The following MAPKAP1 variants were observed in gnomAD, a reference collection of about 807,000 sequenced individuals.
MAPKAP1 encodes MAPK associated protein 1.
A neutral mutation model predicts 65.7 loss-of-function variants in MAPKAP1; 20 were observed. The observed-to-expected ratio is 0.30, with a 90% CI of 0.21 to 0.44. The LOEUF (loss-of-function observed/expected upper bound fraction) is 0.44, where lower values mean the gene tolerates loss of function less well. Among genes scored for constraint, MAPKAP1 ranks in the 20% least tolerant of loss-of-function variants. The probability of loss-of-function intolerance (pLI) is 1.00; values close to 1 mark genes in which losing one functional copy is unlikely to be tolerated. For missense variants in MAPKAP1, 423 were observed against 648.0 expected (o/e 0.65, Z 3.77); for synonymous variants, 222 against 244.3 (o/e 0.91, Z 0.85).
At chr9:125,642,818 A>G (rs2131715909) in intron 4 of MAPKAP1, among the ~76,000 whole-genome samples, 1 of 152,276 alleles carries the variant, frequency 6.6e-6, no homozygotes, top group South Asian at 2.1e-4. Flanking sequence ...GAGCCTGGAC[A>G]CAGGTTGGGG....
chr9:125,695,816 C>T (rs953189276), intron 1 of MAPKAP1, among the ~76,000 whole-genome samples: 2 of 152,002 alleles, frequency 1.3e-5, no homozygotes, highest in Non-Finnish European at 2.9e-5. Context: ...GCAACCTCCA[C>T]CTCCCGGGTT....
intron 4 of MAPKAP1, chr9:125,650,599 T>A (rs892545449): frequency 1.3e-5 from 2 of 152,350 alleles, no homozygotes; most frequent in Admixed American, 1.3e-4. Flanking sequence ...TCTGCCTTCC[T>A]TTGAAAAGCC....
intron 3 of MAPKAP1, among the ~76,000 whole-genome samples, chr9:125,663,236 A>G: frequency 6.6e-6 from 1 of 152,148 alleles, no homozygotes; most frequent in Non-Finnish European, 1.5e-5. Flanking sequence ...CTGTGCTCTA[A>G]CCAACAGGCA....
intron 7 of MAPKAP1, among the ~76,000 whole-genome samples, chr9:125,534,984 G>A (rs781540440): frequency 3.0e-4 from 46 of 152,280 alleles, no homozygotes; most frequent in Non-Finnish European, 6.3e-4. Context: ...TTGAGAGTAG[G>A]AACGATTTCT....
intron 11 of MAPKAP1, among the ~76,000 whole-genome samples, chr9:125,442,536 TAA>T (rs11450537): frequency 1.0e-4 from 14 of 137,200 alleles, no homozygotes; most frequent in Admixed American, 3.7e-4. Context: ...ATGCTGGCTA[TAA>T]AAAAAAAAAA....
At chr9:125,461,828 G>A (rs1056743166) in intron 10 of MAPKAP1, among the ~76,000 whole-genome samples, 4 of 152,186 alleles carry the variant, frequency 2.6e-5, no homozygotes, top group African/African-American at 9.7e-5. Flanking sequence ...GGAGTGGACA[G>A]AGCCTGAGGA....
chr9:125,455,543 T>G (rs1264441777), intron 10 of MAPKAP1, among the ~76,000 whole-genome samples: 1 of 151,902 alleles, frequency 6.6e-6, no homozygotes, highest in African/African-American at 2.4e-5. Flanking sequence ...AATTCAAAAT[T>G]TAATCATCAA....
At chr9:125,626,908 CTAATT>C (rs1380346515) in intron 4 of MAPKAP1, among the ~76,000 whole-genome samples, 5 of 152,180 alleles carry the variant, frequency 3.3e-5, no homozygotes, top group African/African-American at 1.2e-4. Context: ...GCTTATGTAT[CTAATT>C]TAATTATCAG....
At chr9:125,631,854 G>A (rs1833292108) in intron 4 of MAPKAP1, among the ~76,000 whole-genome samples, 1 of 152,148 alleles carries the variant, frequency 6.6e-6, no homozygotes, top group East Asian at 1.9e-4. Flanking sequence ...GCTTGGCTTA[G>A]GGGTCATCTA....
intron 7 of MAPKAP1, among the ~76,000 whole-genome samples, chr9:125,526,681 T>A (rs1420829187): frequency 6.6e-6 from 1 of 152,140 alleles, no homozygotes; most frequent in Non-Finnish European, 1.5e-5. Context: ...GAAAGAAAGA[T>A]CCTTCTACAC....
intron 6 of MAPKAP1, among the ~76,000 whole-genome samples, chr9:125,553,072 C>CTG (rs139123015): frequency 1.6e-4 from 24 of 151,708 alleles, no homozygotes; most frequent in Non-Finnish European, 3.4e-4. Context: ...ATATATGTCA[C>CTG]TGTGTGTGTG....
chr9:125,638,368 G>A (rs1157467339), intron 4 of MAPKAP1, among the ~76,000 whole-genome samples: 1 of 152,158 alleles, frequency 6.6e-6, no homozygotes, highest in African/African-American at 2.4e-5. Context: ...ACACTGAGAA[G>A]GAATCACTGG....
At chr9:125,613,505 C>T (rs1284322121) in intron 4 of MAPKAP1, among the ~76,000 whole-genome samples, 2 of 152,160 alleles carry the variant, frequency 1.3e-5, no homozygotes, top group East Asian at 3.8e-4. Context: ...GAAGGTCCAT[C>T]CAGCTGCAGA....
rs138488950 is a variant in MAPKAP1, at chr9:125,664,113, G to A, written c.349+5705C>T. The stretch of plus-strand genomic sequence containing the variant: ...TGTAATCCCAGCACTCTGGGAGGCC[G>A]AGGAGGGTGGATTACCTGATGTCAG... On this transcript the variant is annotated intron_variant, in intron 3 of 11. Transcript: ENST00000265960. Among the ~76,000 whole-genome samples, 71 of 152,162 alleles carry A rather than the reference G, an allele frequency of 4.7e-4. 1 individual carries two copies. In the East Asian group the frequency reaches 0.012, roughly 25 times the overall value.
chr9:125,439,159 G>A lies in MAPKAP1; in HGVS notation c.1444-147C>T. On this transcript the variant is annotated intron_variant, in intron 11 of 11. Coordinates refer to ENST00000265960, the MANE Select transcript of MAPKAP1 (RefSeq NM_001006617.3). The surrounding 1 kb of genome is among the most constrained non-coding windows in gnomAD (Gnocchi z 4.0). ...GTGTGGAAGGAGTCCAGTCATCACA[G>A]CAACCTGGCAGCGGCTGGGCCCAGA... is the stretch of plus-strand genomic sequence containing the variant. The A allele has an allele frequency of 2.4e-6, 2 of 839,820 alleles. No homozygotes were observed. Among genetic ancestry groups the A allele is most frequent in the Non-Finnish European group, 3.6e-6 (2 of 555,600 alleles). 52.0% of individuals were successfully genotyped at this position (839,820 alleles called of 1,614,324 possible). A position where few individuals can be genotyped will look rare whatever the true frequency, so the allele number is the denominator to read the frequency against.
intron 7 of MAPKAP1, among the ~76,000 whole-genome samples, chr9:125,541,315 G>A (rs918317703): frequency 6.6e-6 from 1 of 152,194 alleles, no homozygotes; most frequent in Non-Finnish European, 1.5e-5. Flanking sequence ...TACTTGCTCA[G>A]CTGTATCTAA....
At position 125,675,136 on chromosome 9, in the gene MAPKAP1, A is replaced by G. The variant is rs192444278; in HGVS notation, c.-69-2493T>C. 2.0e-5 allele frequency among the ~76,000 whole-genome samples: 3 copies of G among 152,312 alleles called. No homozygotes were observed. In the East Asian group the frequency reaches 5.8e-4, roughly 29 times the overall value. On this transcript the variant is annotated intron_variant, in intron 1 of 11. Coordinates refer to ENST00000265960, the MANE Select transcript of MAPKAP1 (RefSeq NM_001006617.3). ...CAAACATCCTTCTACAGCAATCACAATAAGCCATCTTCCTGGCATGAAAGG... is the reference window on the plus strand; with the variant it reads ...CAAACATCCTTCTACAGCAATCACAGTAAGCCATCTTCCTGGCATGAAAGG...
chr9:125,623,790 C>T (rs1411289784), intron 4 of MAPKAP1, among the ~76,000 whole-genome samples: 22 of 51,726 alleles, frequency 4.3e-4, no homozygotes, highest in African/African-American at 6.4e-4. Context: ...CCAGCCGTGC[C>T]GTCCGGGAGG....
chr9:125,575,976 A>C lies in MAPKAP1; in HGVS notation c.671+9579T>G, dbSNP rs550192641. Among the ~76,000 whole-genome samples the C allele has an allele frequency of 1.5e-3, 234 of 152,386 alleles. 3 individuals are homozygous for C. The highest frequency in any genetic ancestry group is 2.3e-3 in the Non-Finnish European group (156 of 68,034). On this transcript the variant is annotated intron_variant, in intron 5 of 11. Coordinates refer to ENST00000265960, the MANE Select transcript of MAPKAP1 (RefSeq NM_001006617.3). ...TTTCAATAGATGAATGAATAAATGA[A>C]CTGTGGTAAATCCATGCAGTCCATT...
Sources: gnomAD v4.1 joint callset for allele counts (sites outside exome capture counted in the v4.1 genomes callset) on GRCh38, gnomAD v4.1.1 for gene constraint, Gnocchi (gnomAD v3.1) non-coding constraint, MANE v1.5 for transcripts, NCBI Gene and HGNC (gene_info 2026-07-23, HGNC 2026-07-21) for gene names.